PTAR1: variants seen among roughly 807,000 people sequenced by gnomAD.
PTAR1 encodes protein prenyltransferase alpha subunit repeat-containing protein 1.
A neutral mutation model predicts 45.5 loss-of-function variants in PTAR1; 17 were observed. That is an observed-to-expected ratio of 0.37 (90% CI 0.26 to 0.56). The LOEUF is 0.56. Among genes scored for constraint, PTAR1 ranks in the 20% least tolerant of loss-of-function variants. PTAR1 has a pLI of 0.77. For missense variants in PTAR1, 391 were observed against 476.3 expected, an observed-to-expected ratio of 0.82 and a Z score of 1.67; for synonymous variants, 169 against 171.3, an observed-to-expected ratio of 0.99 and a Z score of 0.11.
chr9:69,747,267 G>C (rs1224118045), intron 2 of PTAR1, among the ~76,000 whole-genome samples: 1 of 152,164 alleles, frequency 6.6e-6, no homozygotes, highest in African/African-American at 2.4e-5. Context: ...TCTGAGTAAA[G>C]GGCTTCCATA....
At position 69,711,764 on chromosome 9, in the gene PTAR1, T is replaced by C. The variant is rs1477741663; in HGVS notation, c.*6578A>G. On this transcript the variant is annotated 3_prime_UTR_variant, in exon 8 of 8. Transcript: ENST00000340434. ...TCCTATCTTTCAACTATGTTCTGTATAAATAATACTTCTATTACGTTACTA... is the reference window on the plus strand; with the variant it reads ...TCCTATCTTTCAACTATGTTCTGTACAAATAATACTTCTATTACGTTACTA... 2 of 152,176 alleles carry C rather than the reference T, an allele frequency of 1.3e-5. No individual in the cohort carries two copies. Among genetic ancestry groups the C allele is most frequent in the Non-Finnish European group, 2.9e-5 (2 of 68,024 alleles). The allele number at this position is 152,176 out of a possible 1,614,324, so 9.4% of individuals were successfully genotyped here.
chr9:69,720,983 A>G (rs1824973345), intron 6 of PTAR1, among the ~76,000 whole-genome samples: 1 of 152,236 alleles, frequency 6.6e-6, no homozygotes, highest in African/African-American at 2.4e-5. Flanking sequence ...GACTGCTAAC[A>G]CAGCATTCAT....
Position 69,715,876 on chromosome 9 carries a change from T to A in PTAR1, c.*2466A>T, listed in dbSNP as rs1274131020. The A allele has an allele frequency of 2.0e-5, 3 of 152,150 alleles. No homozygotes were observed. The highest frequency in any genetic ancestry group is 7.2e-5 in the African/African-American group (3 of 41,460). 9.4% of individuals were successfully genotyped at this position (152,150 alleles called of 1,614,324 possible). A position where few individuals can be genotyped will look rare whatever the true frequency, so the allele number is the denominator to read the frequency against. On this transcript the variant is annotated 3_prime_UTR_variant, in exon 8 of 8. Transcript: ENST00000340434. ...AAAGTTACATACTAACAGTATCCTTTGGGTATTTGCATTTTTGCTCTCTAC... is the reference window on the plus strand; with the variant it reads ...AAAGTTACATACTAACAGTATCCTTAGGGTATTTGCATTTTTGCTCTCTAC...
At chr9:69,754,930 A>G (rs978129746) in intron 1 of PTAR1, among the ~76,000 whole-genome samples, 2 of 152,088 alleles carry the variant, frequency 1.3e-5, no homozygotes, top group Non-Finnish European at 2.9e-5. Context: ...CTTTATGGAA[A>G]AAAACTGAGC....
At chr9:69,753,477 G>A (rs1042242102) in intron 1 of PTAR1, among the ~76,000 whole-genome samples, 4 of 152,134 alleles carry the variant, frequency 2.6e-5, no homozygotes, top group African/African-American at 9.7e-5. Context: ...AAAACAGCAT[G>A]TGTCCAAGTC....
chr9:69,751,322 G>A (rs1457683185), intron 1 of PTAR1, among the ~76,000 whole-genome samples: 1 of 150,976 alleles, frequency 6.6e-6, no homozygotes, highest in East Asian at 1.9e-4. Flanking sequence ...CAATCTAAAT[G>A]TTTATCAATA....
At chr9:69,741,567 G>A in intron 3 of PTAR1, 1 of 531,104 alleles carries the variant, frequency 1.9e-6, no homozygotes, top group Non-Finnish European at 3.4e-6. Flanking sequence ...ACAGTATACT[G>A]TAACTCAACA....
chr9:69,750,039 CTTAAA>C (rs747910761), intron 2 of PTAR1, among the ~76,000 whole-genome samples: 2 of 151,986 alleles, frequency 1.3e-5, no homozygotes, highest in African/African-American at 2.4e-5. Flanking sequence ...AGGACATGGT[CTTAAA>C]TTAGTCTTCT....
At chr9:69,758,002 A>G (rs955703598) in intron 1 of PTAR1, 1 of 152,260 alleles carries the variant, frequency 6.6e-6, no homozygotes, top group Non-Finnish European at 1.5e-5. Flanking sequence ...ATTATTCCGA[A>G]TATCCAACTT....
intron 3 of PTAR1, among the ~76,000 whole-genome samples, chr9:69,740,893 A>T (rs1021335836): frequency 6.6e-6 from 1 of 152,224 alleles, no homozygotes; most frequent in Non-Finnish European, 1.5e-5. Context: ...TCCAAAATAT[A>T]ATAATTTCAG....
intron 1 of PTAR1, 126 bp downstream of exon 1, chr9:69,759,724 GCCT>G (rs1826995239): frequency 1.1e-6 from 1 of 879,244 alleles, no homozygotes; most frequent in South Asian, 2.0e-5. Context: ...ACACGGCTCT[GCCT>G]CCTCCCTAGA....
intron 3 of PTAR1, among the ~76,000 whole-genome samples, chr9:69,738,689 G>C (rs962212735): frequency 3.3e-5 from 5 of 151,744 alleles, no homozygotes; most frequent in East Asian, 1.9e-4. Flanking sequence ...TATACTTCCT[G>C]CTCTGGTCCT....
At chr9:69,731,715 T>C (rs956425263) in intron 5 of PTAR1, among the ~76,000 whole-genome samples, 22 of 152,152 alleles carry the variant, frequency 1.4e-4, no homozygotes, top group African/African-American at 3.6e-4. Context: ...CTGGGTGAGA[T>C]TGTCTATCCC....
rs955137099 is a variant in PTAR1 at position 69,718,491 on chromosome 9, T to C, written c.1060A>G (p.Lys354Glu). ...SSKQGYSQET[K>E]RLKRTPVPDS... ...GGAACTGGCGTCCGCTTCAGGCGTT[T>C]GGTTTCCTGGGAATAGCCTTGCTTG... The change falls in exon 8 of 8, where the codon AAA becomes GAA. Residue 354 changes from lysine to glutamate, a missense_variant. By Grantham distance (56) the Lys-to-Glu change is moderately conservative. Around this residue, in one of 5 missense-constraint regions of PTAR1, gnomAD observed 181 missense variants for 227.7 expected, o/e 0.80. Coordinates refer to ENST00000340434, the MANE Select transcript of PTAR1 (RefSeq NM_001099666.2). The C allele has an allele frequency of 1.9e-6, 3 of 1,613,760 alleles. No individual in the cohort carries two copies.
intron 5 of PTAR1, among the ~76,000 whole-genome samples, chr9:69,725,354 C>T (rs960684839): frequency 3.9e-5 from 6 of 151,976 alleles, no homozygotes; most frequent in African/African-American, 1.4e-4. Flanking sequence ...CTTTGGGAGG[C>T]TGGGGCGGAC....
At chr9:69,724,861 T>A (rs567756372) in intron 5 of PTAR1, among the ~76,000 whole-genome samples, 39 of 152,364 alleles carry the variant, frequency 2.6e-4, no homozygotes, top group Admixed American at 1.6e-3. Flanking sequence ...ATAGTAAGAT[T>A]ACTTCCAGCC....
chr9:69,755,638 G>T lies in PTAR1; in HGVS notation c.86+4215C>A, dbSNP rs75075388. Among the ~76,000 whole-genome samples the T allele has an allele frequency of 5.0e-3, 737 of 148,060 alleles. 8 individuals carry two copies. Among genetic ancestry groups the T allele is most frequent in the African/African-American group, 0.017 (690 of 40,040 alleles). ...ATAGTAGTTATTTTCATTTTGTTCT[G>T]CTCCCACCCCCCAAAAGAACTGGAA... is the stretch of plus-strand genomic sequence containing the variant. On this transcript the variant is annotated intron_variant, in intron 1 of 7. Coordinates refer to ENST00000340434, the MANE Select transcript of PTAR1 (RefSeq NM_001099666.2).
At position 69,727,056 on chromosome 9, in the gene PTAR1, T is replaced by A. The variant is rs193117388; in HGVS notation, c.643-3426A>T. 5.5e-3 allele frequency among the ~76,000 whole-genome samples: 780 copies of A among 142,650 alleles called. 19 individuals carry two copies. The highest frequency in any genetic ancestry group is 0.04 in the Admixed American group (567 of 14,118). The allele number at this position is 142,650 out of a possible 152,430, so 93.6% of individuals were successfully genotyped here. A position where few individuals can be genotyped will look rare whatever the true frequency, so the allele number is the denominator to read the frequency against. Reference sequence around the variant, plus strand: ...ACACACACACACACACACACACGTATACACACACATATATATATACGATGT... The same window carrying A: ...ACACACACACACACACACACACGTAAACACACACATATATATATACGATGT... On this transcript the variant is annotated intron_variant, in intron 5 of 7. Coordinates refer to ENST00000340434, the MANE Select transcript of PTAR1 (RefSeq NM_001099666.2).
intron 3 of PTAR1, among the ~76,000 whole-genome samples, chr9:69,735,654 C>G (rs1825754413): frequency 1.3e-5 from 2 of 152,104 alleles, no homozygotes. Context: ...TACACTCTCA[C>G]TGAATTCTCA....
Sources: allele counts gnomAD v4.1 joint callset (sites outside exome capture counted in the v4.1 genomes callset), GRCh38; gene constraint gnomAD v4.1.1; regional missense constraint gnomAD v4.1.1; transcripts MANE v1.5; gene names NCBI Gene and HGNC (gene_info 2026-07-23, HGNC 2026-07-21).